The following CNKSR2 variants were observed in gnomAD, a reference collection of about 807,000 sequenced individuals.
CNKSR2 encodes the protein CNK homolog protein 2.
Under a neutral mutation model 84.4 loss-of-function variants are expected in CNKSR2, and 14 were observed. The observed-to-expected ratio is 0.17, with a 90% CI of 0.11 to 0.26. The LOEUF (loss-of-function observed/expected upper bound fraction) is 0.26, where lower values mean the gene tolerates loss of function less well. Among genes scored for constraint, CNKSR2 ranks in the 10% least tolerant of loss-of-function variants. CNKSR2 has a pLI of 1.00. For synonymous variants in CNKSR2, 275 were observed against 277.9 expected, an observed-to-expected ratio of 0.99 and a Z score of 0.10; for missense variants, 485 against 771.2, an observed-to-expected ratio of 0.63 and a Z score of 4.40.
chrX:21,609,954 C>T (rs1324800893), intron 20 of CNKSR2, among the ~76,000 whole-genome samples: 1 of 111,837 alleles, frequency 8.9e-6, no homozygotes, highest in Admixed American at 9.5e-5. Context: ...CTCACTGGCC[C>T]ACAGTGGTTG....
At chrX:21,601,949 G>A (rs12006804) in intron 18 of CNKSR2, among the ~76,000 whole-genome samples, 3,215 of 111,569 alleles carry the variant, frequency 0.029, 123 homozygotes, top group African/African-American at 0.1. Flanking sequence ...CCTTGGAAAC[G>A]TAAATAGGTT....
chrX:21,542,544 G>A (rs1012956815), intron 11 of CNKSR2, among the ~76,000 whole-genome samples: 1 of 111,722 alleles, frequency 9.0e-6, no homozygotes, highest in African/African-American at 3.3e-5. Context: ...TCATTGCTCA[G>A]GCTTCAAAGG....
chrX:21,543,870 T>G (rs2091997852), intron 11 of CNKSR2, among the ~76,000 whole-genome samples: 1 of 110,776 alleles, frequency 9.0e-6, no homozygotes, highest in African/African-American at 3.3e-5. Flanking sequence ...TTACCCAGTC[T>G]GTAGTGCAAT....
chrX:21,474,670 G>A (rs1454808580), intron 5 of CNKSR2, among the ~76,000 whole-genome samples: 1 of 111,608 alleles, frequency 9.0e-6, no homozygotes, highest in African/African-American at 3.3e-5. Context: ...AAAAAAGTGG[G>A]CTGAGTGGGT....
chrX:21,592,243 A>G (rs904197314), intron 15 of CNKSR2: 1 of 111,521 alleles, frequency 9.0e-6, no homozygotes, highest in African/African-American at 3.3e-5. Flanking sequence ...GGACTATCAT[A>G]TGGATGAAAT....
intron 1 of CNKSR2, among the ~76,000 whole-genome samples, chrX:21,405,425 A>T (rs1482757960): frequency 9.0e-6 from 1 of 111,463 alleles, no homozygotes; most frequent in Non-Finnish European, 1.9e-5. Context: ...TTGTGAATAG[A>T]ATTTTTTTCA....
chrX:21,515,804 A>C (rs1211345318), intron 8 of CNKSR2, among the ~76,000 whole-genome samples: 1 of 112,190 alleles, frequency 8.9e-6, no homozygotes, highest in Non-Finnish European at 1.9e-5. Flanking sequence ...GTGATATTCA[A>C]ATAGAATGGC....
intron 13 of CNKSR2, among the ~76,000 whole-genome samples, chrX:21,566,763 A>T (rs1242958869): frequency 1.8e-5 from 2 of 111,697 alleles, no homozygotes; most frequent in African/African-American, 6.5e-5. Context: ...GTTCCTTATA[A>T]GCACACCTAG....
rs1349639611 is a variant in CNKSR2, at chrX:21,382,399, CATG to C, written c.64+7441_64+7443del. On this transcript the variant is annotated intron_variant, in intron 1 of 21. Coordinates refer to ENST00000379510, the MANE Select transcript of CNKSR2 (RefSeq NM_014927.5). ...TTACTAATATCACTTAGTAAGACAA[CATG>C]ATAAGCAAATACTTATTAAAACATT... 3.6e-5 allele frequency among the ~76,000 whole-genome samples: 4 copies of C among 111,328 alleles called. No individual in the cohort carries two copies. In the South Asian group the frequency reaches 1.1e-3, roughly 31 times the overall value.
chrX:21,433,252 G>A (rs993717053), intron 3 of CNKSR2, among the ~76,000 whole-genome samples: 1 of 111,000 alleles, frequency 9.0e-6, no homozygotes, highest in African/African-American at 3.3e-5. Context: ...ATGTCTCCTT[G>A]GCCTCGCTTC....
intron 1 of CNKSR2, among the ~76,000 whole-genome samples, chrX:21,416,806 A>T (rs2090428394): frequency 9.1e-6 from 1 of 110,261 alleles, no homozygotes; most frequent in African/African-American, 3.3e-5. Flanking sequence ...GATTTTATTT[A>T]TTTGGGTCGT....
intron 11 of CNKSR2, among the ~76,000 whole-genome samples, chrX:21,551,092 A>G (rs1216557177): frequency 9.0e-6 from 1 of 110,853 alleles, no homozygotes; most frequent in African/African-American, 3.3e-5. Context: ...GGAAACCATC[A>G]TTCTCAGCAA....
intron 1 of CNKSR2, among the ~76,000 whole-genome samples, chrX:21,400,056 CAG>C (rs1376130517): frequency 9.0e-5 from 10 of 110,498 alleles, no homozygotes; most frequent in Non-Finnish European, 1.9e-4. Flanking sequence ...GAGTTGTAGT[CAG>C]GGGGTGATAA....
Position 21,531,845 on chromosome X carries a change from C to A in CNKSR2, c.1092-11C>A, listed in dbSNP as rs1378204130. 5 of 1,172,634 alleles carry A rather than the reference C, an allele frequency of 4.3e-6. No individual in the cohort carries two copies. In the Admixed American group the frequency reaches 6.6e-5, roughly 15 times the overall value. ...TTCTACATCTTCTCCTTTACTCTAA[C>A]CTTTCTTTAGGGATGAAAAAGGAAA... On this transcript the variant is annotated splice_polypyrimidine_tract_variant and intron_variant, in intron 10 of 21. Coordinates refer to ENST00000379510, the MANE Select transcript of CNKSR2 (RefSeq NM_014927.5).
At chrX:21,403,027 C>A (rs1057243599) in intron 1 of CNKSR2, among the ~76,000 whole-genome samples, 12 of 110,990 alleles carry the variant, frequency 1.1e-4, no homozygotes, top group African/African-American at 3.9e-4. Flanking sequence ...CAGTTAAATA[C>A]CTTGCAGCTT....
intron 13 of CNKSR2, among the ~76,000 whole-genome samples, chrX:21,590,020 G>C (rs1292719782): frequency 1.8e-5 from 2 of 111,055 alleles, no homozygotes; most frequent in Non-Finnish European, 3.8e-5. Context: ...TAGAACTGAG[G>C]AACCAGGGTG....
intron 9 of CNKSR2, among the ~76,000 whole-genome samples, chrX:21,522,413 T>G (rs1329224939): frequency 2.7e-5 from 3 of 111,198 alleles, no homozygotes; most frequent in Non-Finnish European, 5.7e-5. Flanking sequence ...GTTTTAATCT[T>G]TAACGCTGGA....
intron 13 of CNKSR2, among the ~76,000 whole-genome samples, chrX:21,586,007 C>G (rs1261019885): frequency 9.0e-6 from 1 of 110,888 alleles, no homozygotes; most frequent in Non-Finnish European, 1.9e-5. Flanking sequence ...AAACACATAG[C>G]AATAAAATGA....
At chrX:21,477,320 A>G (rs1210442175) in intron 5 of CNKSR2, among the ~76,000 whole-genome samples, 1 of 111,604 alleles carries the variant, frequency 9.0e-6, no homozygotes, top group Non-Finnish European at 1.9e-5. Flanking sequence ...TGCCTATTTT[A>G]TTATTTTAGT....
Sources: allele counts gnomAD v4.1 joint callset (sites outside exome capture counted in the v4.1 genomes callset), GRCh38; gene constraint gnomAD v4.1.1; transcripts MANE v1.5; gene names NCBI Gene and HGNC (gene_info 2026-07-23, HGNC 2026-07-21).